The following MARCHF1 variants were observed in gnomAD, a reference collection of about 807,000 sequenced individuals.
MARCHF1 encodes the protein E3 ubiquitin-protein ligase MARCHF1.
MARCHF1 carries 40 observed loss-of-function variants against 54.2 expected under a neutral mutation model. The observed-to-expected ratio is 0.74, with a 90% CI of 0.57 to 0.96. The LOEUF is 0.96. Among genes scored for constraint, MARCHF1 ranks in the 40% least tolerant of loss-of-function variants. MARCHF1 has a pLI of 0.00. For synonymous variants in MARCHF1, 236 were observed against 236.3 expected, an observed-to-expected ratio of 1.00 and a Z score of 0.01; for missense variants, 586 against 656.5, an observed-to-expected ratio of 0.89 and a Z score of 1.17.
intron 2 of MARCHF1, among the ~76,000 whole-genome samples, chr4:164,033,841 T>C (rs984468090): frequency 1.3e-5 from 2 of 152,116 alleles, no homozygotes; most frequent in African/African-American, 4.8e-5. Context: ...GTAAGTTAGT[T>C]CAACCATTGT....
At chr4:163,781,932 C>G (rs940571376) in intron 4 of MARCHF1, among the ~76,000 whole-genome samples, 1 of 152,094 alleles carries the variant, frequency 6.6e-6, no homozygotes, top group African/African-American at 2.4e-5. Context: ...GCCTGAGGCA[C>G]TTTTTGAAAA....
At chr4:164,126,968 C>T (rs537073156) in intron 1 of MARCHF1, among the ~76,000 whole-genome samples, 10 of 152,164 alleles carry the variant, frequency 6.6e-5, no homozygotes, top group South Asian at 2.1e-4. Context: ...GTGGGAGAAT[C>T]GCTTGAACCC....
chr4:163,637,318 A>C (rs1042641010), intron 5 of MARCHF1, among the ~76,000 whole-genome samples: 17 of 152,234 alleles, frequency 1.1e-4, no homozygotes, highest in South Asian at 6.2e-4. Context: ...CAAGCTACAA[A>C]ATGGGAGAAA....
chr4:164,196,476 A>C (rs1731262300), intron 1 of MARCHF1, among the ~76,000 whole-genome samples: 1 of 152,170 alleles, frequency 6.6e-6, no homozygotes, highest in Admixed American at 6.5e-5. Flanking sequence ...CTTATTAATA[A>C]ATTTTAAAAA....
At chr4:163,860,546 C>T (rs1749900083) in intron 3 of MARCHF1, among the ~76,000 whole-genome samples, 1 of 152,090 alleles carries the variant, frequency 6.6e-6, no homozygotes, top group Non-Finnish European at 1.5e-5. Context: ...TTCTGCCCTG[C>T]CTATGGTGGG....
chr4:164,033,539 T>C lies in MARCHF1; in HGVS notation c.-247-44830A>G, dbSNP rs372031086. Among the ~76,000 whole-genome samples the C allele has an allele frequency of 5.9e-5, 9 of 152,316 alleles. No homozygotes were observed. In the East Asian group the frequency reaches 1.7e-3, roughly 29 times the overall value. ...GCAATCTATCCATCTGACAAAGGTC[T>C]AATATCCAGAATTTACAAGGAACTT... On this transcript the variant is annotated intron_variant, in intron 2 of 9. Coordinates refer to ENST00000514618, the MANE Select transcript of MARCHF1 (RefSeq NM_001394959.1).
Position 163,792,300 on chromosome 4 carries a change from A to G in MARCHF1, c.111+61721T>C, listed in dbSNP as rs531382009. The stretch of plus-strand genomic sequence containing the variant: ...AAGGAAGTAAGAGCTACTTTTTAAT[A>G]AACAGAATATTTAGAATTGAAGAAT... On this transcript the variant is annotated intron_variant, in intron 4 of 9. Coordinates refer to ENST00000514618, the MANE Select transcript of MARCHF1 (RefSeq NM_001394959.1). Among the ~76,000 whole-genome samples the G allele has an allele frequency of 2.0e-5, 3 of 152,294 alleles. No individual in the cohort carries two copies. In the East Asian group the frequency reaches 5.8e-4, roughly 29 times the overall value.
chr4:164,236,068 T>C (rs1346577591), intron 1 of MARCHF1, among the ~76,000 whole-genome samples: 1 of 152,060 alleles, frequency 6.6e-6, no homozygotes, highest in African/African-American at 2.4e-5. Context: ...CCTGATGTCC[T>C]AAGGATTCTA....
chr4:163,630,997 G>GT (rs1165922142), intron 5 of MARCHF1, among the ~76,000 whole-genome samples: 1 of 152,154 alleles, frequency 6.6e-6, no homozygotes, highest in Admixed American at 6.5e-5. Context: ...GGAGAGGAAT[G>GT]TAAGTGTCTG....
In MARCHF1 at chr4:163,587,336, T is replaced by C. The variant is rs142079537; in HGVS notation, c.1011-1407A>G. Among the ~76,000 whole-genome samples, 916 of 152,296 alleles carry C rather than the reference T, an allele frequency of 6.0e-3. 8 individuals are homozygous for C. Among genetic ancestry groups the C allele is most frequent in the South Asian group, 0.044 (210 of 4,818 alleles). On this transcript the variant is annotated intron_variant, in intron 7 of 9. Transcript: ENST00000514618. ...TACACTCATATGTTTACTGCAGCAC[T>C]ATTCACCATGGCAAAGACATAGAAC...
intron 2 of MARCHF1, among the ~76,000 whole-genome samples, chr4:164,000,105 G>T (rs905919954): frequency 1.3e-5 from 2 of 151,458 alleles, no homozygotes; most frequent in African/African-American, 4.8e-5. Flanking sequence ...ATGTCCTTCT[G>T]GTTTTGATAA....
chr4:164,093,172 T>C (rs1405393126), intron 2 of MARCHF1, among the ~76,000 whole-genome samples: 1 of 152,172 alleles, frequency 6.6e-6, no homozygotes, highest in Non-Finnish European at 1.5e-5. Context: ...CTCCTATTGT[T>C]TTACAGTAGA....
chr4:163,706,958 G>A (rs1744966359), intron 4 of MARCHF1, among the ~76,000 whole-genome samples: 1 of 152,040 alleles, frequency 6.6e-6, no homozygotes, highest in African/African-American at 2.4e-5. Flanking sequence ...AGAAATAGAT[G>A]TAAGAATCTC....
chr4:163,902,502 C>A (rs1174137853), intron 3 of MARCHF1, among the ~76,000 whole-genome samples: 3 of 152,052 alleles, frequency 2.0e-5, no homozygotes, highest in Non-Finnish European at 4.4e-5. Context: ...ATCTTTGAGA[C>A]ACAATTTACA....
chr4:163,830,678 C>T (rs955742910), intron 4 of MARCHF1, among the ~76,000 whole-genome samples: 5 of 152,066 alleles, frequency 3.3e-5, no homozygotes, highest in African/African-American at 1.2e-4. Context: ...CTTTGAGAGG[C>T]CGAGGCGGGA....
chr4:163,720,293 C>T (rs1006161432), intron 4 of MARCHF1, among the ~76,000 whole-genome samples: 11 of 152,136 alleles, frequency 7.2e-5, no homozygotes, highest in African/African-American at 2.2e-4. Context: ...GAATCCTTTC[C>T]CCATTTCTTG....
At chr4:164,137,229 G>A (rs1756421196) in intron 1 of MARCHF1, among the ~76,000 whole-genome samples, 1 of 152,000 alleles carries the variant, frequency 6.6e-6, no homozygotes, top group Admixed American at 6.6e-5. Context: ...TGTTAATTCT[G>A]AAACATTTTC....
chr4:164,243,943 C>A (rs28810670), intron 1 of MARCHF1, among the ~76,000 whole-genome samples: 4 of 151,406 alleles, frequency 2.6e-5, no homozygotes, highest in South Asian at 2.1e-4. Flanking sequence ...TACAGGAGCA[C>A]CCAGATTCAT....
At chr4:163,631,262 G>A (rs1050899914) in intron 5 of MARCHF1, among the ~76,000 whole-genome samples, 14 of 150,590 alleles carry the variant, frequency 9.3e-5, no homozygotes, top group South Asian at 4.2e-4. Context: ...GTGTGATCTC[G>A]GCTCACTGCA....
Sources: allele counts gnomAD v4.1 joint callset (sites outside exome capture counted in the v4.1 genomes callset), GRCh38; gene constraint gnomAD v4.1.1; transcripts MANE v1.5; gene names NCBI Gene and HGNC (gene_info 2026-07-23, HGNC 2026-07-21).